The following DLGAP2 variants were observed in gnomAD, a reference collection of about 807,000 sequenced individuals.
DLGAP2 encodes DLG associated protein 2, also known as disks large-associated protein 2.
A neutral mutation model predicts 100.3 loss-of-function variants in DLGAP2; 26 were observed. The observed-to-expected ratio is 0.26, with a 90% CI of 0.19 to 0.36. The LOEUF (loss-of-function observed/expected upper bound fraction) is 0.36, where lower values mean the gene tolerates loss of function less well. Among genes scored for constraint, DLGAP2 ranks in the 10% least tolerant of loss-of-function variants. The probability of loss-of-function intolerance (pLI) is 1.00; values close to 1 mark genes in which losing one functional copy is unlikely to be tolerated. For synonymous variants in DLGAP2, 886 were observed against 630.1 expected, an observed-to-expected ratio of 1.41 and a Z score of -6.08; for missense variants, 1,858 against 1,453.2, an observed-to-expected ratio of 1.28 and a Z score of -4.53.
intron 2 of DLGAP2, among the ~76,000 whole-genome samples, chr8:1,250,952 G>C (rs144117749): frequency 3.9e-5 from 6 of 152,346 alleles, no homozygotes; most frequent in African/African-American, 1.4e-4. Context: ...GCACAGTTGT[G>C]TGACCTCGGT....
rs34216259 is a variant in DLGAP2, at chr8:1,527,867, G to GA, written c.173-20749dup. The stretch of plus-strand genomic sequence containing the variant: ...CACCCATTTTTAATATTTTCTGTTT[G>GA]AAAAAAAAAATACACAGCTCATCTT... On this transcript the variant is annotated intron_variant, in intron 4 of 14. Transcript: ENST00000637795. Among the ~76,000 whole-genome samples, 130 of 140,930 alleles carry GA rather than the reference G, an allele frequency of 9.2e-4. 1 individual carries two copies. Among genetic ancestry groups the GA allele is most frequent in the East Asian group, 5.1e-3 (25 of 4,878 alleles). 92.5% of individuals were successfully genotyped at this position (140,930 alleles called of 152,430 possible).
At chr8:915,473 GGAGGCGGAGC>G (rs1332772668) in intron 2 of DLGAP2, among the ~76,000 whole-genome samples, 1 of 152,024 alleles carries the variant, frequency 6.6e-6, no homozygotes, top group Non-Finnish European at 1.5e-5. Flanking sequence ...TGTGAGCCCA[GGAGGCGGAGC>G]TTGCAGTGAG....
intron 3 of DLGAP2, among the ~76,000 whole-genome samples, chr8:1,287,217 G>A (rs1404375769): frequency 6.8e-6 from 1 of 148,028 alleles, no homozygotes; most frequent in Non-Finnish European, 1.5e-5. Context: ...GTGTGTGTGT[G>A]TGTGTGTGTA....
At position 888,925 on chromosome 8, in the gene DLGAP2, A is replaced by G. The variant is rs138312718; in HGVS notation, c.19-18987A>G. Among the ~76,000 whole-genome samples, 372 of 152,278 alleles carry G rather than the reference A, an allele frequency of 2.4e-3. 1 individual carries two copies. The highest frequency in any genetic ancestry group is 5.6e-3 in the African/African-American group (233 of 41,564). ...CCACCAAACAGGTTTTGTGTGAGCA[A>G]TAAAGCTGTTTATTTCATCTGGATG... On this transcript the variant is annotated intron_variant, in intron 1 of 14. Coordinates refer to ENST00000637795, the MANE Select transcript of DLGAP2 (RefSeq NM_001346810.2).
At chr8:791,451 A>C (rs1822024121) in intron 1 of DLGAP2, among the ~76,000 whole-genome samples, 2 of 152,330 alleles carry the variant, frequency 1.3e-5, no homozygotes, top group African/African-American at 4.8e-5. Flanking sequence ...TGAATACTGA[A>C]TTTCTTTTCA....
intron 5 of DLGAP2, among the ~76,000 whole-genome samples, chr8:1,565,165 A>G (rs1210301628): frequency 6.6e-6 from 1 of 152,248 alleles, no homozygotes; most frequent in Admixed American, 6.5e-5. Flanking sequence ...GTGGCTGGGC[A>G]AGATCCTTTT....
rs1798766306 is a variant in DLGAP2 at position 1,240,588 on chromosome 8, C to CTCTCACATGGTGCCG, written c.74-18261_74-18247dup. ...CTCTTACATGGCGCCGTGTCTAGTT[C>CTCTCACATGGTGCCG]TCTCACATGGTGCCGTGTCTAGTTC... On this transcript the variant is annotated intron_variant, in intron 2 of 14. Transcript: ENST00000637795. Among the ~76,000 whole-genome samples, 3 of 150,032 alleles carry CTCTCACATGGTGCCG rather than the reference C, an allele frequency of 2.0e-5. No homozygotes were observed. The South Asian group carries it at 6.4e-4, about 32-fold the overall frequency.
At chr8:822,557 C>G (rs1796603093) in intron 1 of DLGAP2, among the ~76,000 whole-genome samples, 2 of 152,230 alleles carry the variant, frequency 1.3e-5, no homozygotes, top group South Asian at 2.1e-4. Context: ...AGAGTAGGAG[C>G]AGGGCCACGT....
Position 1,696,983 on chromosome 8 carries a change from C to T in DLGAP2, c.2797-164C>T, listed in dbSNP as rs560267062. Among the ~76,000 whole-genome samples the T allele has an allele frequency of 2.0e-5, 3 of 152,382 alleles. No individual in the cohort carries two copies. In the South Asian group the frequency reaches 6.2e-4, roughly 32 times the overall value. On this transcript the variant is annotated intron_variant, in intron 13 of 14. Transcript: ENST00000637795. ...CAGCAAATACGTGTGCTAAAGTAAA[C>T]TGTCATGGAAGCATGGCCTTCCCAA...
At chr8:859,599 G>C (rs187009999) in intron 1 of DLGAP2, among the ~76,000 whole-genome samples, 1 of 152,318 alleles carries the variant, frequency 6.6e-6, no homozygotes, top group Admixed American at 6.5e-5. Flanking sequence ...GGGGGAGGCT[G>C]GCTAGCTGGA....
At chr8:1,354,237 G>A (rs1297394130) in intron 3 of DLGAP2, among the ~76,000 whole-genome samples, 2 of 152,220 alleles carry the variant, frequency 1.3e-5, no homozygotes, top group Admixed American at 6.5e-5. Context: ...CAGGCACGGT[G>A]GCTCAAACCT....
At chr8:1,023,568 G>T (rs1801688797) in intron 2 of DLGAP2, among the ~76,000 whole-genome samples, 1 of 152,144 alleles carries the variant, frequency 6.6e-6, no homozygotes, top group Non-Finnish European at 1.5e-5. Flanking sequence ...GTGAACCTCA[G>T]TGTGCGTGTG....
intron 3 of DLGAP2, among the ~76,000 whole-genome samples, chr8:1,426,946 G>C (rs1018573042): frequency 2.0e-5 from 3 of 152,172 alleles, no homozygotes; most frequent in South Asian, 4.1e-4. Flanking sequence ...GCAGTGAACA[G>C]AGAGATCAAT....
rs73670427 is a variant in DLGAP2 at position 1,068,619 on chromosome 8, C to T, written c.73+160653C>T. 2.4e-3 allele frequency among the ~76,000 whole-genome samples: 364 copies of T among 149,812 alleles called. 1 individual carries two copies. Among genetic ancestry groups the T allele is most frequent in the Middle Eastern group, 0.014 (4 of 286 alleles). On this transcript the variant is annotated intron_variant, in intron 2 of 14. Coordinates refer to ENST00000637795, the MANE Select transcript of DLGAP2 (RefSeq NM_001346810.2). ...ATGTGAGGAGGAGGGAAAGGATGGA[C>T]GCACAGGAGCGGGGAGATGAGGGAA...
intron 2 of DLGAP2, among the ~76,000 whole-genome samples, chr8:940,510 A>G: frequency 6.6e-6 from 1 of 152,118 alleles, no homozygotes; most frequent in East Asian, 1.9e-4. Flanking sequence ...GTGTATTGTG[A>G]GGAACATGCA....
chr8:768,768 A>G (rs1821280046), intron 1 of DLGAP2, among the ~76,000 whole-genome samples: 1 of 152,134 alleles, frequency 6.6e-6, no homozygotes, highest in African/African-American at 2.4e-5. Context: ...CCAGCATCAA[A>G]AAACACTTAA....
intron 2 of DLGAP2, among the ~76,000 whole-genome samples, chr8:1,077,073 C>T (rs1336335467): frequency 6.6e-6 from 1 of 152,136 alleles, no homozygotes; most frequent in Non-Finnish European, 1.5e-5. Flanking sequence ...CGGGCTCCCC[C>T]ACACTCCTGA....
chr8:846,713 T>A (rs1168395887), intron 1 of DLGAP2, among the ~76,000 whole-genome samples: 1 of 152,230 alleles, frequency 6.6e-6, no homozygotes, highest in East Asian at 1.9e-4. Flanking sequence ...ACCTTGATAC[T>A]GTTTTCCATT....
rs572249313 is a variant in DLGAP2 at position 1,379,374 on chromosome 8, G to A, written c.106+120491G>A. Among the ~76,000 whole-genome samples, 71 of 152,350 alleles carry A rather than the reference G, an allele frequency of 4.7e-4. No homozygotes were observed. In the South Asian group the frequency reaches 5.0e-3, roughly 11 times the overall value. ...CTGGCACAGCCGCCCCACACGGCAC[G>A]TACGCCGACATCCCTTATCTAGGAG... On this transcript the variant is annotated intron_variant, in intron 3 of 14. Coordinates refer to ENST00000637795, the MANE Select transcript of DLGAP2 (RefSeq NM_001346810.2).
Sources: gnomAD v4.1 joint callset for allele counts (sites outside exome capture counted in the v4.1 genomes callset) on GRCh38, gnomAD v4.1.1 for gene constraint, MANE v1.5 for transcripts, NCBI Gene and HGNC (gene_info 2026-07-23, HGNC 2026-07-21) for gene names.